BANP: variants seen among roughly 807,000 people sequenced by gnomAD.
BANP encodes protein BANP.
A neutral mutation model predicts 68.1 loss-of-function variants in BANP; 11 were observed. The observed-to-expected ratio is 0.16, with a 90% CI of 0.10 to 0.27. The LOEUF (loss-of-function observed/expected upper bound fraction) is 0.27. Among genes scored for constraint, BANP ranks in the 10% least tolerant of loss-of-function variants. BANP has a pLI of 1.00. For synonymous variants in BANP, 329 were observed against 303.2 expected (o/e 1.09, Z -0.88); for missense variants, 504 against 722.7 (o/e 0.70, Z 3.47).
At chr16:87,966,170 A>G (rs1162524586) in intron 1 of BANP, among the ~76,000 whole-genome samples, 1 of 152,168 alleles carries the variant, frequency 6.6e-6, no homozygotes, top group Non-Finnish European at 1.5e-5. Context: ...CATGTGAATG[A>G]CTTGGTGGTG....
At chr16:88,044,581 C>G (rs376432147) in intron 11 of BANP, among the ~76,000 whole-genome samples, 1 of 152,200 alleles carries the variant, frequency 6.6e-6, no homozygotes, top group Non-Finnish European at 1.5e-5. Flanking sequence ...AATAGATGAT[C>G]GCTAATGTCT....
At chr16:87,994,734 A>G (rs1167255246) in intron 4 of BANP, among the ~76,000 whole-genome samples, 1 of 152,194 alleles carries the variant, frequency 6.6e-6, no homozygotes. Flanking sequence ...CAGGAATTTG[A>G]GACCAGTCTG....
At position 88,038,004 on chromosome 16, in the gene BANP, A is replaced by G; in HGVS notation, c.1304A>G (p.Asp435Gly). The G allele has an allele frequency of 6.2e-7, 1 of 1,613,672 alleles. No individual in the cohort carries two copies. Among genetic ancestry groups the G allele is most frequent in the Non-Finnish European group, 8.5e-7 (1 of 1,179,784 alleles). ...GNLQIHHVGQ[D>G]GQLLEATRIP... is the part of the protein sequence containing the mutation. Reference sequence around the variant, plus strand: ...CTCCAGATCCATCACGTGGGGCAGGACGGTCAGGTGAGTGTCCCAGTCCCC... The same window carrying G: ...CTCCAGATCCATCACGTGGGGCAGGGCGGTCAGGTGAGTGTCCCAGTCCCC... The change falls in exon 11 of 14, where the codon GAC becomes GGC. Residue 435 changes from aspartate (D) to glycine (G), a missense_variant. Around this residue, in one of 3 missense-constraint regions of BANP, gnomAD observed 223 missense variants for 246.2 expected, o/e 0.91. Coordinates refer to ENST00000682872, the MANE Select transcript of BANP (RefSeq NM_001386991.1).
At chr16:88,006,303 T>G in intron 6 of BANP, 38 bp downstream of exon 6, 1 of 1,539,154 alleles carries the variant, frequency 6.5e-7, no homozygotes, top group East Asian at 2.3e-5. Flanking sequence ...AGAGCGCCAG[T>G]ACAATTGTTT....
At chr16:88,027,161 T>C (rs1283636265) in intron 7 of BANP, among the ~76,000 whole-genome samples, 3 of 152,166 alleles carry the variant, frequency 2.0e-5, no homozygotes, top group Admixed American at 2.0e-4. Flanking sequence ...GCGTGGAAGG[T>C]CTGGGAATCT....
intron 13 of BANP, among the ~76,000 whole-genome samples, chr16:88,073,980 C>G (rs2091038375): frequency 6.6e-6 from 1 of 152,216 alleles, no homozygotes; most frequent in South Asian, 2.1e-4. Context: ...GCAGAAAACC[C>G]CAGCGTGGTT....
At chr16:88,029,591 A>G (rs1392353304) in intron 8 of BANP, among the ~76,000 whole-genome samples, 2 of 147,790 alleles carry the variant, frequency 1.4e-5, no homozygotes, top group African/African-American at 4.9e-5. Context: ...AGCCTGGGCT[A>G]CAGAGCAAGA....
upstream of BANP, among the ~76,000 whole-genome samples, chr16:87,951,131 G>T (rs906944933): frequency 6.6e-6 from 1 of 152,222 alleles, no homozygotes; most frequent in Non-Finnish European, 1.5e-5. Context: ...AGTAGTTGAG[G>T]GAGCTAATGC....
At chr16:88,026,391 G>C (rs2076996636) in intron 7 of BANP, among the ~76,000 whole-genome samples, 1 of 152,226 alleles carries the variant, frequency 6.6e-6, no homozygotes, top group Non-Finnish European at 1.5e-5. Flanking sequence ...GCAGCGATGG[G>C]AGGGTGTCTT....
chr16:88,040,923 C>G (rs2080618721), intron 11 of BANP, among the ~76,000 whole-genome samples: 1 of 152,250 alleles, frequency 6.6e-6, no homozygotes, highest in African/African-American at 2.4e-5. Context: ...CTAGTTCCAA[C>G]TGTCATTTAG....
At chr16:88,020,758 G>A (rs2075870289) in intron 7 of BANP, among the ~76,000 whole-genome samples, 1 of 152,226 alleles carries the variant, frequency 6.6e-6, no homozygotes, top group Non-Finnish European at 1.5e-5. Flanking sequence ...TGGATGTGAA[G>A]CTGGAGGCCG....
intron 1 of BANP, among the ~76,000 whole-genome samples, chr16:87,972,271 T>A (rs1359609229): frequency 6.6e-6 from 1 of 152,142 alleles, no homozygotes; most frequent in Non-Finnish European, 1.5e-5. Flanking sequence ...TCTTCTAGTT[T>A]AATCTTCATT....
intron 12 of BANP, among the ~76,000 whole-genome samples, chr16:88,070,626 C>CTGGTCT (rs1210320333): frequency 6.6e-6 from 1 of 152,158 alleles, no homozygotes; most frequent in Non-Finnish European, 1.5e-5. Context: ...GGGGGCACAC[C>CTGGTCT]TGGTCTCATC....
rs563976895 is a variant in BANP, at chr16:88,004,109, T to C, written c.363-186T>C. On this transcript the variant is annotated intron_variant, in intron 4 of 13. Coordinates refer to ENST00000682872, the MANE Select transcript of BANP (RefSeq NM_001386991.1). This position sits in a 1 kb window ranked among gnomAD's most constrained non-coding sequence, Gnocchi z 7.0. ...ACCCCATCTCCAGTTTATTCTTCCT[T>C]AGCATTTGGGGCTCCTTCCCCCTCA... Among the ~76,000 whole-genome samples, 25 of 152,194 alleles carry C rather than the reference T, an allele frequency of 1.6e-4. No homozygotes were observed. The highest frequency in any genetic ancestry group is 3.4e-4 in the Non-Finnish European group (23 of 68,030).
rs947123316 is a variant in BANP at position 88,005,996 on chromosome 16, CAG to C, written c.480-91_480-90del. ...AGGCTGTGTGATCCACTGGTCCACA[CAG>C]AGTTAGATTTTGCGATAAGGAAAGC... On this transcript the variant is annotated intron_variant, in intron 5 of 13. Coordinates refer to ENST00000682872, the MANE Select transcript of BANP (RefSeq NM_001386991.1). 4 of 1,486,096 alleles carry C rather than the reference CAG, an allele frequency of 2.7e-6. No individual in the cohort carries two copies. In the African/African-American group the frequency reaches 5.5e-5, roughly 21 times the overall value. The allele number at this position is 1,486,096 out of a possible 1,614,324, so 92.1% of individuals were successfully genotyped here.
intron 2 of BANP, among the ~76,000 whole-genome samples, chr16:87,976,178 A>G (rs140883294): frequency 2.0e-5 from 3 of 152,370 alleles, no homozygotes; most frequent in African/African-American, 4.8e-5. Context: ...ATCTTGGCAA[A>G]TAGATAAGTT....
intron 7 of BANP, among the ~76,000 whole-genome samples, chr16:88,020,958 A>G (rs762829811): frequency 5.3e-5 from 8 of 152,168 alleles, no homozygotes; most frequent in Non-Finnish European, 7.4e-5. Context: ...CAGGGAGTCC[A>G]TGTAGGGCGG....
chr16:87,972,524 A>G (rs1307970129), intron 1 of BANP, among the ~76,000 whole-genome samples: 2 of 152,114 alleles, frequency 1.3e-5, no homozygotes, highest in Admixed American at 6.5e-5. Context: ...CTTTTAAGAA[A>G]TACATGATTT....
At chr16:87,990,553 T>C (rs2065655338) in intron 4 of BANP, among the ~76,000 whole-genome samples, 1 of 152,222 alleles carries the variant, frequency 6.6e-6, no homozygotes. Flanking sequence ...TCAGTCAAAA[T>C]TATAGCATTT....
Sources: gnomAD v4.1 joint callset for allele counts (sites outside exome capture counted in the v4.1 genomes callset) on GRCh38, gnomAD v4.1.1 for gene constraint, gnomAD v4.1.1 regional missense constraint, Gnocchi (gnomAD v3.1) non-coding constraint, MANE v1.5 for transcripts, NCBI Gene and HGNC (gene_info 2026-07-23, HGNC 2026-07-21) for gene names.